The following PPP2R2B variants were observed in gnomAD, a reference collection of about 807,000 sequenced individuals.
PPP2R2B encodes the protein protein phosphatase 2 regulatory subunit Bbeta.
PPP2R2B carries 5 observed loss-of-function variants against 46.0 expected under a neutral mutation model. That is an observed-to-expected ratio of 0.11 (90% CI 0.06 to 0.23). PPP2R2B has a LOEUF of 0.23. PPP2R2B is among the 10% of genes least tolerant of loss of function. The pLI is 1.00. For missense variants in PPP2R2B, 367 were observed against 575.0 expected, an observed-to-expected ratio of 0.64 and a Z score of 3.70; for synonymous variants, 215 against 206.7, an observed-to-expected ratio of 1.04 and a Z score of -0.34.
At chr5:146,860,616 C>T (rs1760931753) in intron 2 of PPP2R2B, among the ~76,000 whole-genome samples, 2 of 152,196 alleles carry the variant, frequency 1.3e-5, no homozygotes, top group South Asian at 4.1e-4. Flanking sequence ...CACTAATCCA[C>T]TGACTAAACA....
chr5:146,768,079 C>CT lies in PPP2R2B; in HGVS notation c.71-66938dup, dbSNP rs139475418. 5.1e-3 allele frequency among the ~76,000 whole-genome samples: 744 copies of CT among 144,858 alleles called. 5 individuals are homozygous for CT. Among genetic ancestry groups the CT allele is most frequent in the African/African-American group, 0.015 (598 of 39,642 alleles). On this transcript the variant is annotated intron_variant, in intron 2 of 9. Transcript: ENST00000394411. ...ACTCTAGCAGTTAACAATTGGTTTTCTTTTTTTTTTTTGAAACAGGGTCTT... is the reference window on the plus strand; with the variant it reads ...ACTCTAGCAGTTAACAATTGGTTTTCTTTTTTTTTTTTTGAAACAGGGTCTT...
At chr5:147,037,718 G>A (rs555828901) in intron 1 of PPP2R2B, among the ~76,000 whole-genome samples, 1 of 152,166 alleles carries the variant, frequency 6.6e-6, no homozygotes, top group East Asian at 1.9e-4. Flanking sequence ...GTCAGACTGG[G>A]AGCAGCATTT....
intron 1 of PPP2R2B, among the ~76,000 whole-genome samples, chr5:146,991,355 T>C (rs576364818): frequency 5.3e-4 from 80 of 152,166 alleles, no homozygotes; most frequent in African/African-American, 1.6e-3. Context: ...TATAAATCTA[T>C]GTGGAATCTA....
At chr5:146,631,416 A>G (rs1363058221) in intron 7 of PPP2R2B, among the ~76,000 whole-genome samples, 2 of 152,156 alleles carry the variant, frequency 1.3e-5, no homozygotes, top group African/African-American at 4.8e-5. Context: ...TGGTGAGATT[A>G]TCATTTCGCA....
At chr5:146,807,365 A>C (rs1006644998) in intron 2 of PPP2R2B, among the ~76,000 whole-genome samples, 4 of 152,220 alleles carry the variant, frequency 2.6e-5, no homozygotes, top group African/African-American at 9.6e-5. Context: ...GAGACCAGTC[A>C]GTTCTGGCAG....
At chr5:146,947,545 G>A (rs1764521893) in intron 1 of PPP2R2B, among the ~76,000 whole-genome samples, 1 of 152,090 alleles carries the variant, frequency 6.6e-6, no homozygotes. Context: ...GAGCCAATGG[G>A]ACAGAAGCCA....
intron 2 of PPP2R2B, among the ~76,000 whole-genome samples, chr5:146,853,047 A>G (rs1251775296): frequency 6.6e-6 from 1 of 152,106 alleles, no homozygotes; most frequent in Non-Finnish European, 1.5e-5. Flanking sequence ...AACAGAGATT[A>G]AAGATCTCAG....
chr5:146,993,573 G>T (rs1176878425), intron 1 of PPP2R2B, among the ~76,000 whole-genome samples: 1 of 152,150 alleles, frequency 6.6e-6, no homozygotes, highest in Non-Finnish European at 1.5e-5. Flanking sequence ...GGAGTACACA[G>T]TATAAGCTTC....
At chr5:146,665,161 T>C (rs766580688) in intron 5 of PPP2R2B, among the ~76,000 whole-genome samples, 1 of 152,170 alleles carries the variant, frequency 6.6e-6, no homozygotes, top group African/African-American at 2.4e-5. Context: ...AGGGTCAGCT[T>C]ATCCTTTGAA....
At chr5:146,757,645 A>G (rs1003082828) in intron 2 of PPP2R2B, among the ~76,000 whole-genome samples, 1 of 152,148 alleles carries the variant, frequency 6.6e-6, no homozygotes, top group Non-Finnish European at 1.5e-5. Flanking sequence ...GAGTGTCCCA[A>G]ATTTAATATA....
intron 2 of PPP2R2B, among the ~76,000 whole-genome samples, chr5:147,072,838 A>G (rs1203637995): frequency 1.3e-5 from 2 of 152,204 alleles, no homozygotes; most frequent in African/African-American, 4.8e-5. Flanking sequence ...TGAACCATGA[A>G]TAAAATGTGG....
chr5:146,904,134 A>G (rs766453924), intron 1 of PPP2R2B, among the ~76,000 whole-genome samples: 3 of 152,150 alleles, frequency 2.0e-5, no homozygotes, highest in Admixed American at 6.5e-5. Context: ...TCTCACTCCT[A>G]TAGAACCAGA....
At chr5:146,682,816 T>C (rs562754577) in intron 5 of PPP2R2B, among the ~76,000 whole-genome samples, 9 of 152,344 alleles carry the variant, frequency 5.9e-5, no homozygotes, top group Non-Finnish European at 1.0e-4. Flanking sequence ...AGAATCATCA[T>C]GGATGCTCAT....
rs144723448 is a variant in PPP2R2B, at chr5:147,045,206, T to C, written c.79+10459A>G. On this transcript the variant is annotated intron_variant, in intron 1 of 8. Transcript: ENST00000336640. ...TGACCACTTATCTCTGTTTTGTGTG[T>C]CCCACCCCTTAAAATACATTCATGT... Among the ~76,000 whole-genome samples, 148 of 152,324 alleles carry C rather than the reference T, an allele frequency of 9.7e-4. 1 individual carries two copies. The highest frequency in any genetic ancestry group is 3.4e-3 in the African/African-American group (142 of 41,586).
chr5:146,768,198 C>T (rs1382393501), intron 2 of PPP2R2B, among the ~76,000 whole-genome samples: 5 of 152,058 alleles, frequency 3.3e-5, no homozygotes, highest in South Asian at 4.2e-4. Flanking sequence ...CCCAGCCTCC[C>T]GAGTAGCTGG....
intron 5 of PPP2R2B, among the ~76,000 whole-genome samples, chr5:146,665,499 G>C (rs971059357): frequency 6.6e-6 from 1 of 152,128 alleles, no homozygotes; most frequent in Non-Finnish European, 1.5e-5. Context: ...GTTAGACTTC[G>C]GCTTAAGGAA....
chr5:146,999,594 TA>T (rs1754072699), intron 1 of PPP2R2B, among the ~76,000 whole-genome samples: 1 of 152,170 alleles, frequency 6.6e-6, no homozygotes, highest in South Asian at 2.1e-4. Context: ...CAGGGGACCT[TA>T]TGTGGCTTCT....
At chr5:147,071,631 G>A (rs969078638) in intron 2 of PPP2R2B, among the ~76,000 whole-genome samples, 3 of 151,504 alleles carry the variant, frequency 2.0e-5, no homozygotes, top group African/African-American at 7.3e-5. Context: ...ATATTCACAA[G>A]ACGATATTTT....
At chr5:146,901,198 C>T (rs1762824217) in intron 1 of PPP2R2B, among the ~76,000 whole-genome samples, 1 of 152,092 alleles carries the variant, frequency 6.6e-6, no homozygotes, top group South Asian at 2.1e-4. Context: ...TTGGTGCTAA[C>T]ATAAAATATC....
Sources: gnomAD v4.1 joint callset for allele counts (sites outside exome capture counted in the v4.1 genomes callset) on GRCh38, gnomAD v4.1.1 for gene constraint, MANE v1.5 for transcripts, NCBI Gene and HGNC (gene_info 2026-07-23, HGNC 2026-07-21) for gene names.